The following PHF24 variants were observed in gnomAD, a reference collection of about 807,000 sequenced individuals.
PHF24 encodes the protein PHD finger protein 24, also known as Galpha inhibitory interacting protein.
Under a neutral mutation model 42.6 loss-of-function variants are expected in PHF24, and 25 were observed. The ratio of observed to expected loss-of-function variants is 0.59; its 90% CI spans 0.43 to 0.82. The LOEUF is 0.82. Ranked by LOEUF, PHF24 falls within the 40% of genes least tolerant of loss-of-function variation. The pLI is 0.00. For missense variants in PHF24, 470 were observed against 538.1 expected (o/e 0.87, Z 1.25); for synonymous variants, 185 against 204.8 (o/e 0.90, Z 0.83).
the PHF24 span, among the ~76,000 whole-genome samples, chr9:34,740,114 T>C: frequency 6.6e-6 from 1 of 152,196 alleles, no homozygotes; most frequent in East Asian, 1.9e-4. Context: ...TAACAATCCC[T>C]GAGCTAGACA....
the PHF24 span, among the ~76,000 whole-genome samples, chr9:34,764,425 G>C: frequency 2.0e-5 from 3 of 152,274 alleles, no homozygotes; most frequent in East Asian, 5.8e-4. Flanking sequence ...GTTTAGCCTT[G>C]GGAGGGTGTA....
At chr9:34,709,666 G>T in the PHF24 span, 3 of 1,614,008 alleles carry the variant, frequency 1.9e-6, no homozygotes, top group Admixed American at 5.0e-5. Context: ...GCCTGAGAGC[G>T]CTTGCGGGGC....
chr9:34,943,874 T>A, the PHF24 span, among the ~76,000 whole-genome samples: 1 of 152,212 alleles, frequency 6.6e-6, no homozygotes. Context: ...CCTCTCCTAC[T>A]ATCAGCCCCT....
chr9:34,877,280 CAAAAA>C, the PHF24 span, among the ~76,000 whole-genome samples: 4 of 114,390 alleles, frequency 3.5e-5, no homozygotes, highest in African/African-American at 1.4e-4. Context: ...GACTCTGTCT[CAAAAA>C]AAAAAAAAAA....
the PHF24 span, among the ~76,000 whole-genome samples, chr9:34,682,301 G>C: frequency 6.6e-6 from 1 of 151,788 alleles, no homozygotes; most frequent in Non-Finnish European, 1.5e-5. Context: ...TTTTGATCGT[G>C]GACTTCTAAC....
At chr9:34,827,908 T>C in the PHF24 span, among the ~76,000 whole-genome samples, 1 of 152,136 alleles carries the variant, frequency 6.6e-6, no homozygotes, top group Non-Finnish European at 1.5e-5. Context: ...TCAGGTTCCA[T>C]GCATTTAGAG....
the PHF24 span, among the ~76,000 whole-genome samples, chr9:34,754,498 C>A: frequency 2.0e-5 from 3 of 152,054 alleles, no homozygotes; most frequent in East Asian, 5.8e-4. Context: ...AAAATCACTA[C>A]AATGAGATAT....
the PHF24 span, among the ~76,000 whole-genome samples, chr9:34,841,789 G>C: frequency 6.6e-6 from 1 of 152,130 alleles, no homozygotes; most frequent in Non-Finnish European, 1.5e-5. Context: ...ACCAGTTGGC[G>C]GAGGTTGCAG....
At chr9:34,677,484 C>A in the PHF24 span, among the ~76,000 whole-genome samples, 1 of 149,232 alleles carries the variant, frequency 6.7e-6, no homozygotes, top group African/African-American at 2.5e-5. Flanking sequence ...GTAAGCTCCG[C>A]CTCCCGGGTT....
At chr9:34,946,866 C>G in the PHF24 span, among the ~76,000 whole-genome samples, 2 of 152,122 alleles carry the variant, frequency 1.3e-5, no homozygotes, top group African/African-American at 4.8e-5. Context: ...AATTAATTTG[C>G]TCTGATGAAT....
the PHF24 span, among the ~76,000 whole-genome samples, chr9:34,935,141 G>C: frequency 6.6e-6 from 1 of 152,208 alleles, no homozygotes; most frequent in Non-Finnish European, 1.5e-5. Flanking sequence ...AAGAGGGAAT[G>C]ATCAACTACG....
chr9:34,859,130 A>G, the PHF24 span, among the ~76,000 whole-genome samples: 2 of 152,146 alleles, frequency 1.3e-5, no homozygotes, highest in Admixed American at 6.5e-5. Flanking sequence ...TCTCTCAAAA[A>G]AGTCTCATAC....
At chr9:34,838,252 G>A in the PHF24 span, 13 of 642,184 alleles carry the variant, frequency 2.0e-5, no homozygotes, top group Non-Finnish European at 3.1e-5. Context: ...AAAAATTGGG[G>A]GAGAGGGGAA....
At chr9:34,936,620 TG>T in the PHF24 span, among the ~76,000 whole-genome samples, 1 of 147,476 alleles carries the variant, frequency 6.8e-6, no homozygotes, top group Non-Finnish European at 1.5e-5. Flanking sequence ...ATCTAGGAAG[TG>T]AGGAGCGCCT....
the PHF24 span, among the ~76,000 whole-genome samples, chr9:34,949,808 A>G: frequency 1.3e-5 from 2 of 151,880 alleles, no homozygotes; most frequent in Non-Finnish European, 2.9e-5. Flanking sequence ...ATGAGAACAC[A>G]TGGACACAAG....
the PHF24 span, among the ~76,000 whole-genome samples, chr9:34,760,895 G>A: frequency 6.6e-6 from 1 of 152,138 alleles, no homozygotes; most frequent in Admixed American, 6.5e-5. Context: ...GGGAGGCTGA[G>A]GTGGGAGGAT....
At chr9:34,859,317 A>C in the PHF24 span, among the ~76,000 whole-genome samples, 34 of 152,120 alleles carry the variant, frequency 2.2e-4, no homozygotes, top group African/African-American at 7.7e-4. Context: ...AACATCCCCT[A>C]GAATGTTGCA....
At chr9:34,727,894 T>A in the PHF24 span, 4 of 815,236 alleles carry the variant, frequency 4.9e-6, no homozygotes, top group Non-Finnish European at 7.5e-6. Context: ...TCACCCAGTG[T>A]CCCTGCTTCC....
chr9:34,949,261 T>C, the PHF24 span, among the ~76,000 whole-genome samples: 1 of 152,100 alleles, frequency 6.6e-6, no homozygotes, highest in African/African-American at 2.4e-5. Context: ...TATTTCTAGG[T>C]GATAAATAGA....
Sources: allele counts gnomAD v4.1 joint callset (sites outside exome capture counted in the v4.1 genomes callset), GRCh38; gene constraint gnomAD v4.1.1; transcripts MANE v1.5; gene names NCBI Gene and HGNC (gene_info 2026-07-23, HGNC 2026-07-21).